The following FRY variants were observed in gnomAD, a reference collection of about 807,000 sequenced individuals.
FRY encodes FRY microtubule binding protein, also known as protein furry homolog.
Under a neutral mutation model 348.4 loss-of-function variants are expected in FRY, and 128 were observed. The ratio of observed to expected loss-of-function variants is 0.37; its 90% CI spans 0.32 to 0.43. The LOEUF (loss-of-function observed/expected upper bound fraction) is 0.43, where lower values mean the gene tolerates loss of function less well. Ranked by LOEUF, FRY falls within the 20% of genes least tolerant of loss-of-function variation. The pLI is 1.00. For synonymous variants in FRY, 1,370 were observed against 1,374.7 expected, an observed-to-expected ratio of 1.00 and a Z score of 0.08; for missense variants, 2,736 against 3,695.2, an observed-to-expected ratio of 0.74 and a Z score of 6.73.
In FRY at chr13:32,297,262, GATTT is replaced by G. The variant is rs914614354; in HGVS notation, c.*1807_*1810del. On this transcript the variant is annotated 3_prime_UTR_variant, in exon 61 of 61. Transcript: ENST00000542859. ...ACTGCTGAAAACATATTTTTCTGAT[GATTT>G]ATTTTTTTCAACTTGCCTGAAAGAT... 5.9e-5 allele frequency: 9 copies of G among 151,998 alleles called. No homozygotes were observed. Among genetic ancestry groups the G allele is most frequent in the Non-Finnish European group, 2.9e-5 (2 of 67,998 alleles). 9.4% of individuals were successfully genotyped at this position (151,998 alleles called of 1,614,324 possible).
At chr13:32,192,831 C>T (rs2138291322) in intron 28 of FRY, among the ~76,000 whole-genome samples, 1 of 150,398 alleles carries the variant, frequency 6.6e-6, no homozygotes. Context: ...GCAACCTCTG[C>T]CTCCCGGGTT....
chr13:32,279,567 C>T lies in FRY; in HGVS notation c.8469+1019C>T, dbSNP rs560548936. Among the ~76,000 whole-genome samples the T allele has an allele frequency of 2.0e-5, 3 of 152,312 alleles. No homozygotes were observed. In the East Asian group the frequency reaches 5.8e-4, roughly 29 times the overall value. ...CCCACTCTGTCTACTGTGGAAACAG[C>T]TCAAAGTGGCAAGAGTGGTTCAGGG... On this transcript the variant is annotated intron_variant, in intron 58 of 60. Coordinates refer to ENST00000542859, the MANE Select transcript of FRY (RefSeq NM_023037.3).
intron 1 of FRY, among the ~76,000 whole-genome samples, chr13:32,049,897 G>A (rs1873232265): frequency 6.6e-6 from 1 of 152,090 alleles, no homozygotes; most frequent in African/African-American, 2.4e-5. Context: ...AAAAAAATAG[G>A]CAGAAGCAAT....
chr13:32,132,807 A>G (rs1033795035), intron 8 of FRY, among the ~76,000 whole-genome samples: 1 of 152,264 alleles, frequency 6.6e-6, no homozygotes, highest in Non-Finnish European at 1.5e-5. Flanking sequence ...AAAATGATGA[A>G]TGGATAGATA....
chr13:32,267,055 AGAGTG>A (rs763920114), intron 54 of FRY, 110 bp from the exon 55 acceptor site: 3 of 897,910 alleles, frequency 3.3e-6, no homozygotes, highest in Non-Finnish European at 5.5e-6. Flanking sequence ...TTCAAAAGGA[AGAGTG>A]GGTAGAATAG....
At chr13:32,218,345 G>C (rs1477674460) in intron 35 of FRY, among the ~76,000 whole-genome samples, 1 of 152,158 alleles carries the variant, frequency 6.6e-6, no homozygotes, top group African/African-American at 2.4e-5. Flanking sequence ...TTGGCAACTA[G>C]CAGCTGAAAA....
rs541830102 is a variant in FRY, at chr13:32,103,169, A to C, written c.324+1153A>C. On this transcript the variant is annotated intron_variant, in intron 3 of 60. Coordinates refer to ENST00000542859, the MANE Select transcript of FRY (RefSeq NM_023037.3). Reference sequence around the variant, plus strand: ...GTGGCTCTGGGCTAGCTCTGTTGCCAGCCAAGCTAGCCATTTTCCAGAAGG... The same window carrying C: ...GTGGCTCTGGGCTAGCTCTGTTGCCCGCCAAGCTAGCCATTTTCCAGAAGG... Among the ~76,000 whole-genome samples the C allele has an allele frequency of 3.3e-5, 5 of 152,358 alleles. No individual in the cohort carries two copies. In the South Asian group the frequency reaches 1.0e-3, roughly 32 times the overall value.
At position 32,261,631 on chromosome 13, in the gene FRY, A is replaced by C; in HGVS notation, c.7432A>C (p.Asn2478His). The change falls in exon 52 of 61, where the codon AAT becomes CAT. Residue 2478 changes from asparagine to histidine, a missense_variant. Asn to His is a moderately conservative substitution (Grantham distance 68). This residue lies in a region of FRY where 789 missense variants were observed against 996.2 expected (regional missense o/e 0.79). Coordinates refer to ENST00000542859, the MANE Select transcript of FRY (RefSeq NM_023037.3). ...GTGATTTCAGGGTGAGAGTATGGACAATTTCAACTGGGGAGTGCGCAGACG... is the reference window on the plus strand; with the variant it reads ...GTGATTTCAGGGTGAGAGTATGGACCATTTCAACTGGGGAGTGCGCAGACG... Reference protein sequence around the residue: ...LEDGEGESMDNFNWGVRRRSL... With the variant: ...LEDGEGESMDHFNWGVRRRSL... The C allele has an allele frequency of 2.5e-6, 4 of 1,614,162 alleles. No homozygotes were observed. Among genetic ancestry groups the C allele is most frequent in the Non-Finnish European group, 3.4e-6 (4 of 1,180,002 alleles).
intron 55 of FRY, among the ~76,000 whole-genome samples, chr13:32,270,719 C>T (rs997844022): frequency 3.3e-5 from 5 of 152,186 alleles, no homozygotes; most frequent in African/African-American, 1.2e-4. Flanking sequence ...GTTAGTAAAG[C>T]CTTCTGTTAC....
intron 20 of FRY, among the ~76,000 whole-genome samples, chr13:32,177,237 A>G (rs1302219688): frequency 6.6e-6 from 1 of 152,240 alleles, no homozygotes; most frequent in Non-Finnish European, 1.5e-5. Flanking sequence ...ATAGATATTT[A>G]TCTTTCAAGA....
At chr13:32,282,107 T>G (rs1002040249) in intron 58 of FRY, among the ~76,000 whole-genome samples, 1 of 152,222 alleles carries the variant, frequency 6.6e-6, no homozygotes, top group African/African-American at 2.4e-5. Flanking sequence ...TATTAAGATC[T>G]TATATCTAGA....
chr13:32,216,729 G>T (rs1885013835), intron 35 of FRY, among the ~76,000 whole-genome samples: 1 of 152,186 alleles, frequency 6.6e-6, no homozygotes, highest in Non-Finnish European at 1.5e-5. Context: ...TAATAAGTTT[G>T]TCCTTTTTCC....
intron 22 of FRY, 44 bp from the exon 23 acceptor site, chr13:32,179,631 G>A: frequency 6.2e-7 from 1 of 1,606,678 alleles, no homozygotes; most frequent in Non-Finnish European, 8.5e-7. Context: ...GGAACCATCA[G>A]TTACCATGTT....
Position 32,237,280 on chromosome 13 carries a change from A to T in FRY, c.5811-99A>T. The T allele has an allele frequency of 1.7e-6, 2 of 1,173,024 alleles. No individual in the cohort carries two copies. Among genetic ancestry groups the T allele is most frequent in the South Asian group, 2.6e-5 (2 of 78,102 alleles). 72.7% of individuals were successfully genotyped at this position (1,173,024 alleles called of 1,614,324 possible). On this transcript the variant is annotated intron_variant, in intron 43 of 60. Coordinates refer to ENST00000542859, the MANE Select transcript of FRY (RefSeq NM_023037.3). The surrounding 1 kb of genome is among the most constrained non-coding windows in gnomAD (Gnocchi z 6.3). ...GAATAGAAAGTGGCATTTCTAAAGA[A>T]TGATTTCCCTCCTGCAGTGTTTCTC...
chr13:32,198,099 A>G (rs536166517), intron 29 of FRY, among the ~76,000 whole-genome samples: 292 of 151,948 alleles, frequency 1.9e-3, no homozygotes, highest in African/African-American at 6.5e-3. Context: ...GGTTTCTTTC[A>G]TTTTCTGGAT....
At chr13:32,202,604 T>A (rs1341965015) in intron 31 of FRY, 77 bp downstream of exon 31, 1 of 1,227,776 alleles carries the variant, frequency 8.1e-7, no homozygotes, top group African/African-American at 1.5e-5. Flanking sequence ...AATAATGACA[T>A]GTGATCATTT....
At chr13:32,092,695 G>A (rs911405413) in intron 2 of FRY, among the ~76,000 whole-genome samples, 1 of 152,156 alleles carries the variant, frequency 6.6e-6, no homozygotes, top group Non-Finnish European at 1.5e-5. Context: ...CTGATTCAGA[G>A]GGAGAAAACT....
chr13:32,113,286 T>C (rs1878084741), intron 3 of FRY, among the ~76,000 whole-genome samples: 1 of 152,206 alleles, frequency 6.6e-6, no homozygotes, highest in South Asian at 2.1e-4. Flanking sequence ...AAATGTTCCA[T>C]TTATGAGAAG....
At chr13:32,146,344 C>A (rs9562512) in intron 11 of FRY, among the ~76,000 whole-genome samples, 17,757 of 152,024 alleles carry the variant, frequency 0.12, 1,193 homozygotes, top group East Asian at 0.26. Flanking sequence ...GTTTTTGTTT[C>A]TGTTTTTTTT....
Sources: allele counts gnomAD v4.1 joint callset (sites outside exome capture counted in the v4.1 genomes callset), GRCh38; gene constraint gnomAD v4.1.1; regional missense constraint gnomAD v4.1.1; non-coding constraint Gnocchi (gnomAD v3.1); transcripts MANE v1.5; gene names NCBI Gene and HGNC (gene_info 2026-07-23, HGNC 2026-07-21).